Variants in NAA11 observed in about 807,000 individuals in gnomAD.
NAA11 encodes N-alpha-acetyltransferase 11.
In NAA11, 15 loss-of-function variants were observed where a neutral mutation model predicts 16.1. That is an observed-to-expected ratio of 0.93 (90% CI 0.62 to 1.44). The LOEUF is 1.44. Ranked by LOEUF, NAA11 falls within the 40% of genes most tolerant of loss-of-function variation. The pLI is 0.00. For missense variants in NAA11, 298 were observed against 291.3 expected (o/e 1.02, Z -0.17); for synonymous variants, 122 against 112.4 (o/e 1.09, Z -0.54).
intron 2 of NAA11, among the ~76,000 whole-genome samples, chr4:79,235,488 C>T (rs2109958076): frequency 6.6e-6 from 1 of 152,212 alleles, no homozygotes; most frequent in Non-Finnish European, 1.5e-5. Context: ...ACCTTGGTGA[C>T]TCCACATGGA....
intron 1 of NAA11, among the ~76,000 whole-genome samples, chr4:79,320,282 C>A (rs919135093): frequency 1.3e-5 from 2 of 152,188 alleles, no homozygotes; most frequent in Admixed American, 1.3e-4. Flanking sequence ...TCCAAGATTG[C>A]AAACTGTTGC....
intron 1 of NAA11, among the ~76,000 whole-genome samples, chr4:79,320,020 C>T (rs1208042800): frequency 6.6e-6 from 1 of 152,144 alleles, no homozygotes; most frequent in East Asian, 1.9e-4. Context: ...TCAATGTTGC[C>T]AGCTCAATTG....
At chr4:79,271,964 T>C (rs1344992438) in intron 2 of NAA11, among the ~76,000 whole-genome samples, 1 of 151,842 alleles carries the variant, frequency 6.6e-6, no homozygotes, top group Non-Finnish European at 1.5e-5. Context: ...ATGTATATTA[T>C]AACTCTTCCT....
In NAA11 at chr4:79,262,720, ACT is replaced by A. The variant is rs142205468; in HGVS notation, c.*122+31283_*122+31284del. Among the ~76,000 whole-genome samples, 1,500 of 152,066 alleles carry A rather than the reference ACT, an allele frequency of 9.9e-3. 27 individuals are homozygous for A. Among genetic ancestry groups the A allele is most frequent in the African/African-American group, 0.035 (1,448 of 41,472 alleles). On this transcript the variant is annotated intron_variant and NMD_transcript_variant, in intron 2 of 2. Coordinates refer to the NAA11 transcript ENST00000511542. ...TTATGGACTTTTATAATAAAAAGAAACTCTATTTGTTTAGTTTTTGTTGATAG... is the reference window on the plus strand; with the variant it reads ...TTATGGACTTTTATAATAAAAAGAAACTATTTGTTTAGTTTTTGTTGATAG...
the NAA11 span, among the ~76,000 whole-genome samples, chr4:79,171,481 C>G: frequency 6.6e-6 from 1 of 152,120 alleles, no homozygotes; most frequent in Non-Finnish European, 1.5e-5. Context: ...TACCCAGTTT[C>G]AGGTATTCTG....
chr4:79,314,661 A>AAG (rs1723876513), downstream of NAA11, among the ~76,000 whole-genome samples: 1 of 148,264 alleles, frequency 6.7e-6, no homozygotes, highest in Non-Finnish European at 1.5e-5. Context: ...AAAAAAAAAA[A>AAG]AAAGACTCAG....
chr4:79,179,080 G>C, the NAA11 span, among the ~76,000 whole-genome samples: 1 of 152,152 alleles, frequency 6.6e-6, no homozygotes, highest in Non-Finnish European at 1.5e-5. Context: ...GCCATTGAAA[G>C]GTTTATCAAA....
chr4:79,295,318 G>A (rs947749258), intron 1 of NAA11, among the ~76,000 whole-genome samples: 1 of 152,160 alleles, frequency 6.6e-6, no homozygotes, highest in Non-Finnish European at 1.5e-5. Flanking sequence ...AATGTTCCAA[G>A]TCCTAGAAAA....
intron 2 of NAA11, among the ~76,000 whole-genome samples, chr4:79,275,158 C>T (rs1198113280): frequency 8.5e-6 from 1 of 117,692 alleles, no homozygotes; most frequent in African/African-American, 3.9e-5. Flanking sequence ...ACTTATTTTT[C>T]CCCTCCTACA....
the NAA11 span, among the ~76,000 whole-genome samples, chr4:79,202,657 A>AT: frequency 1.3e-4 from 17 of 127,580 alleles, no homozygotes; most frequent in East Asian, 2.5e-4. Context: ...ATATCTGTGT[A>AT]ATTGTTCAGG....
chr4:79,269,677 C>G (rs1722442573), intron 2 of NAA11, among the ~76,000 whole-genome samples: 1 of 145,582 alleles, frequency 6.9e-6, no homozygotes, highest in African/African-American at 2.6e-5. Context: ...ATGGTAGTTT[C>G]TTTTGCTGTG....
intron 2 of NAA11, among the ~76,000 whole-genome samples, chr4:79,288,877 CTG>C (rs1723011304): frequency 6.6e-6 from 1 of 152,162 alleles, no homozygotes; most frequent in Admixed American, 6.5e-5. Flanking sequence ...GACTTTTCCT[CTG>C]TGAAAAACAG....
At chr4:79,244,055 C>G (rs1004788307) in intron 2 of NAA11, among the ~76,000 whole-genome samples, 6 of 152,180 alleles carry the variant, frequency 3.9e-5, no homozygotes, top group African/African-American at 1.4e-4. Context: ...TCATACTATG[C>G]CATTTTTGTA....
chr4:79,190,777 A>C, the NAA11 span, among the ~76,000 whole-genome samples: 2 of 152,022 alleles, frequency 1.3e-5, no homozygotes, highest in African/African-American at 4.8e-5. Context: ...CCGGGTATTA[A>C]GCCCAGTACT....
intron 2 of NAA11, among the ~76,000 whole-genome samples, chr4:79,244,163 C>G (rs781402413): frequency 6.6e-6 from 1 of 152,204 alleles, no homozygotes; most frequent in Non-Finnish European, 1.5e-5. Flanking sequence ...ACTGGCCTCT[C>G]CCTGGCTCTG....
rs1019064647 is a variant in NAA11, at chr4:79,296,672, C to T, written c.*13-2558G>A. On this transcript the variant is annotated intron_variant and NMD_transcript_variant, in intron 1 of 2. Transcript: ENST00000511542. Reference sequence around the variant, plus strand: ...GACCATGGACCCCATTACCTCTGAACTCTTGTGTCTGGCATTGAAGGCTCT... The same window carrying T: ...GACCATGGACCCCATTACCTCTGAATTCTTGTGTCTGGCATTGAAGGCTCT... Among the ~76,000 whole-genome samples, 7 of 152,148 alleles carry T rather than the reference C, an allele frequency of 4.6e-5. No individual in the cohort carries two copies. The East Asian group carries it at 1.3e-3, about 29-fold the overall frequency.
At chr4:79,187,954 G>C in the NAA11 span, among the ~76,000 whole-genome samples, 4 of 130,322 alleles carry the variant, frequency 3.1e-5, no homozygotes, top group African/African-American at 5.8e-5. Flanking sequence ...AGCCGAGATC[G>C]CGCCACTGCA....
At chr4:79,256,938 C>A (rs1722127426) in intron 2 of NAA11, among the ~76,000 whole-genome samples, 1 of 151,960 alleles carries the variant, frequency 6.6e-6, no homozygotes, top group South Asian at 2.1e-4. Flanking sequence ...CATGCCCGGC[C>A]TGTAAATACT....
the NAA11 span, among the ~76,000 whole-genome samples, chr4:79,178,522 C>T: frequency 6.6e-6 from 1 of 152,178 alleles, no homozygotes; most frequent in Middle Eastern, 3.2e-3. Context: ...TCAGAAAGAG[C>T]TTCTATTCAT....
Sources: allele counts gnomAD v4.1 joint callset (sites outside exome capture counted in the v4.1 genomes callset), GRCh38; gene constraint gnomAD v4.1.1; transcripts MANE v1.5; gene names NCBI Gene and HGNC (gene_info 2026-07-23, HGNC 2026-07-21).